Variants in FGGY observed in about 807,000 individuals in gnomAD.
FGGY encodes FGGY carbohydrate kinase domain-containing protein.
In FGGY, 72 loss-of-function variants were observed where a neutral mutation model predicts 71.3. That is an observed-to-expected ratio of 1.01 (90% confidence interval 0.84 to 1.23). The LOEUF is 1.23. Among genes scored for constraint, FGGY ranks in the 50% most tolerant of loss-of-function variants. The pLI is 0.00. For missense variants in FGGY, 668 were observed against 682.3 expected (o/e 0.98, Z 0.23); for synonymous variants, 251 against 250.3 (o/e 1.00, Z -0.02).
chr1:59,615,851 C>T (rs1213676454), intron 9 of FGGY, among the ~76,000 whole-genome samples: 3 of 152,164 alleles, frequency 2.0e-5, no homozygotes, highest in Non-Finnish European at 4.4e-5. Context: ...TGAACAGACA[C>T]TTCTCAAATG....
chr1:59,670,046 C>T (rs1314307490), intron 13 of FGGY, among the ~76,000 whole-genome samples: 1 of 152,200 alleles, frequency 6.6e-6, no homozygotes, highest in Non-Finnish European at 1.5e-5. Flanking sequence ...TTGTCTCTAA[C>T]TATGGACCAG....
intron 1 of FGGY, among the ~76,000 whole-genome samples, chr1:59,303,210 A>G (rs1314233934): frequency 6.6e-6 from 1 of 152,224 alleles, no homozygotes; most frequent in African/African-American, 2.4e-5. Context: ...GTTGTACATT[A>G]GATCTCCAGA....
chr1:59,490,995 C>CT (rs377452118), intron 6 of FGGY, among the ~76,000 whole-genome samples: 6,076 of 38,246 alleles, frequency 0.16, 748 homozygotes, highest in African/African-American at 0.24. Flanking sequence ...TGCTTGCTTG[C>CT]TTCCTTTCCT....
At chr1:59,561,200 C>A (rs2095788280) in intron 8 of FGGY, among the ~76,000 whole-genome samples, 1 of 152,098 alleles carries the variant, frequency 6.6e-6, no homozygotes, top group African/African-American at 2.4e-5. Context: ...GATGGGATTC[C>A]ACACGGTACA....
At chr1:59,386,446 C>T (rs1233359695) in intron 5 of FGGY, among the ~76,000 whole-genome samples, 1 of 152,090 alleles carries the variant, frequency 6.6e-6, no homozygotes, top group Admixed American at 6.6e-5. Context: ...ATCAAGCGAA[C>T]ACACTCTTAT....
intron 5 of FGGY, among the ~76,000 whole-genome samples, chr1:59,440,028 C>T (rs1342231855): frequency 6.7e-6 from 1 of 149,128 alleles, no homozygotes; most frequent in Non-Finnish European, 1.5e-5. Flanking sequence ...CCATTCCCAT[C>T]TCAGTTTCTC....
intron 4 of FGGY, among the ~76,000 whole-genome samples, chr1:59,371,547 A>C (rs905762817): frequency 1.6e-4 from 25 of 152,154 alleles, no homozygotes; most frequent in African/African-American, 1.9e-4. Context: ...CAGCTCTGCA[A>C]CAAGCAGACC....
chr1:59,697,713 C>T, intron 14 of FGGY: 1 of 1,302,236 alleles, frequency 7.7e-7, no homozygotes, highest in Non-Finnish European at 1.0e-6. Flanking sequence ...GAGAAGAAAT[C>T]AGACTCTCTT....
chr1:59,355,122 G>A (rs2054055826), intron 4 of FGGY, among the ~76,000 whole-genome samples: 1 of 152,212 alleles, frequency 6.6e-6, no homozygotes, highest in Non-Finnish European at 1.5e-5. Flanking sequence ...TTAAACATGG[G>A]TGTGACACAG....
chr1:59,347,469 G>A (rs1480997303), intron 4 of FGGY, among the ~76,000 whole-genome samples: 10 of 152,026 alleles, frequency 6.6e-5, no homozygotes, highest in Non-Finnish European at 1.5e-4. Flanking sequence ...TGGTGTATAT[G>A]TGCCACATTT....
chr1:59,530,084 T>C (rs1255827784), intron 7 of FGGY, among the ~76,000 whole-genome samples: 1 of 152,158 alleles, frequency 6.6e-6, no homozygotes, highest in Admixed American at 6.5e-5. Flanking sequence ...AAACTGGGCA[T>C]TCATTTAAAT....
At chr1:59,647,362 T>A (rs940993919) in intron 11 of FGGY, among the ~76,000 whole-genome samples, 4 of 152,194 alleles carry the variant, frequency 2.6e-5, no homozygotes, top group Admixed American at 6.5e-5. Context: ...GCAAACAAAG[T>A]AGTGTTGTGT....
intron 8 of FGGY, among the ~76,000 whole-genome samples, chr1:59,562,940 C>T (rs1216104840): frequency 1.3e-5 from 2 of 152,030 alleles, no homozygotes; most frequent in Non-Finnish European, 2.9e-5. Flanking sequence ...GAAAAAAGAT[C>T]GATTTTGTAT....
chr1:59,531,149 G>A (rs1249313138), intron 7 of FGGY, among the ~76,000 whole-genome samples: 3 of 152,218 alleles, frequency 2.0e-5, no homozygotes, highest in East Asian at 3.8e-4. Context: ...GAGTCTATGT[G>A]TCAGGAGGAT....
At chr1:59,640,010 A>G (rs943522974) in intron 11 of FGGY, among the ~76,000 whole-genome samples, 1 of 152,242 alleles carries the variant, frequency 6.6e-6, no homozygotes, top group Non-Finnish European at 1.5e-5. Flanking sequence ...TCATATCATG[A>G]GAATAAGTAT....
intron 6 of FGGY, among the ~76,000 whole-genome samples, chr1:59,478,554 A>G (rs2093354289): frequency 6.6e-6 from 1 of 152,256 alleles, no homozygotes; most frequent in East Asian, 1.9e-4. Context: ...AAATGAATGA[A>G]TAAGTAAGCA....
At chr1:59,564,186 A>T (rs1419290222) in intron 8 of FGGY, among the ~76,000 whole-genome samples, 1 of 152,236 alleles carries the variant, frequency 6.6e-6, no homozygotes, top group Non-Finnish European at 1.5e-5. Flanking sequence ...CAAAATAGAC[A>T]AATGGGATCT....
Position 59,351,772 on chromosome 1 carries a change from A to T in FGGY, c.465+5374A>T, listed in dbSNP as rs190282930. ...TAATATCAATAGAACATTGACACTG[A>T]TTGGCTGTGAGGAGTGAGTCAGATG... On this transcript the variant is annotated intron_variant, in intron 4 of 15. Transcript: ENST00000303721. 4.9e-4 allele frequency among the ~76,000 whole-genome samples: 74 copies of T among 152,268 alleles called. No homozygotes were observed. In the East Asian group the frequency reaches 5.8e-3, roughly 12 times the overall value.
intron 4 of FGGY, among the ~76,000 whole-genome samples, chr1:59,358,121 A>G (rs2054696197): frequency 6.6e-6 from 1 of 152,212 alleles, no homozygotes; most frequent in Admixed American, 6.5e-5. Context: ...ATAGCGTGTA[A>G]ACTGTCAACT....
Sources: allele counts gnomAD v4.1 joint callset (sites outside exome capture counted in the v4.1 genomes callset), GRCh38; gene constraint gnomAD v4.1.1; transcripts MANE v1.5; gene names NCBI Gene and HGNC (gene_info 2026-07-23, HGNC 2026-07-21).